CPNE4: variants seen among roughly 807,000 people sequenced by gnomAD.
CPNE4 encodes copine 4.
CPNE4 carries 25 observed loss-of-function variants against 67.9 expected under a neutral mutation model. That is an observed-to-expected ratio of 0.37 (90% CI 0.27 to 0.51). The LOEUF (loss-of-function observed/expected upper bound fraction) is 0.51, where lower values mean the gene tolerates loss of function less well. Ranked by LOEUF, CPNE4 falls within the 20% of genes least tolerant of loss-of-function variation. The pLI is 0.93. For synonymous variants in CPNE4, 242 were observed against 244.9 expected (o/e 0.99, Z 0.11); for missense variants, 464 against 690.8 (o/e 0.67, Z 3.68).
intron 2 of CPNE4, among the ~76,000 whole-genome samples, chr3:131,893,700 C>T (rs72991342): frequency 0.33 from 49,300 of 151,498 alleles, 8,552 homozygotes; most frequent in African/African-American, 0.43. Context: ...TTAAACAGCA[C>T]GCTCTTAAAC....
At chr3:131,663,867 T>TG (rs1199137082) in intron 7 of CPNE4, among the ~76,000 whole-genome samples, 2 of 152,182 alleles carry the variant, frequency 1.3e-5, no homozygotes, top group Non-Finnish European at 2.9e-5. Flanking sequence ...ACTTTGACTT[T>TG]GGGGACCTGC....
intron 2 of CPNE4, among the ~76,000 whole-genome samples, chr3:131,902,778 G>A (rs533576216): frequency 2.0e-5 from 3 of 152,114 alleles, no homozygotes; most frequent in Non-Finnish European, 4.4e-5. Context: ...TAATTTCCAA[G>A]GAGTTACTTT....
intron 2 of CPNE4, among the ~76,000 whole-genome samples, chr3:131,763,658 C>T (rs1211630474): frequency 6.6e-6 from 1 of 152,016 alleles, no homozygotes; most frequent in African/African-American, 2.4e-5. Context: ...AGGCAAAGGA[C>T]TGAAAGGAAA....
At chr3:131,601,416 G>A (rs1939201259) in intron 7 of CPNE4, among the ~76,000 whole-genome samples, 1 of 152,106 alleles carries the variant, frequency 6.6e-6, no homozygotes, top group Admixed American at 6.5e-5. Context: ...ATAAATAATA[G>A]TGATGCAGTG....
At chr3:131,953,254 A>AT (rs1560669366) in intron 1 of CPNE4, among the ~76,000 whole-genome samples, 2 of 122,188 alleles carry the variant, frequency 1.6e-5, no homozygotes, top group Non-Finnish European at 1.9e-5. Flanking sequence ...AAAAAAAAAA[A>AT]AAAAAAAAAA....
At chr3:131,879,477 G>C (rs933054723) in intron 2 of CPNE4, among the ~76,000 whole-genome samples, 1 of 152,098 alleles carries the variant, frequency 6.6e-6, no homozygotes, top group Non-Finnish European at 1.5e-5. Flanking sequence ...CAGGTTTAAG[G>C]CTGTATCAGG....
chr3:131,972,587 A>G (rs915085769), intron 1 of CPNE4, among the ~76,000 whole-genome samples: 1 of 152,180 alleles, frequency 6.6e-6, no homozygotes, highest in Non-Finnish European at 1.5e-5. Context: ...GAATCATTCA[A>G]CAGTGTCAAG....
chr3:131,761,624 G>C (rs962237104), intron 2 of CPNE4, among the ~76,000 whole-genome samples: 5 of 151,944 alleles, frequency 3.3e-5, no homozygotes, highest in Non-Finnish European at 7.4e-5. Context: ...ACATGGTTTA[G>C]GTCAAGCTTA....
At position 131,723,430 on chromosome 3, in the gene CPNE4, ATGTC is replaced by A. The variant is rs1368234616; in HGVS notation, c.360+12_360+15del. On this transcript the variant is annotated intron_variant, in intron 3 of 15. Coordinates refer to ENST00000429747, the MANE Select transcript of CPNE4 (RefSeq NM_130808.3). ...CTAGGATGGCAAGGAGGAGGAAGGGATGTCTGTTGACCCACCTGGCCAAGTGTGC... is the reference window on the plus strand; with the variant it reads ...CTAGGATGGCAAGGAGGAGGAAGGGATGTTGACCCACCTGGCCAAGTGTGC... 1 of 1,609,364 alleles carries A rather than the reference ATGTC, an allele frequency of 6.2e-7. No individual in the cohort carries two copies. The highest frequency in any genetic ancestry group is 1.3e-5 in the African/African-American group (1 of 74,938).
chr3:131,630,003 A>G (rs1054670042), intron 7 of CPNE4, among the ~76,000 whole-genome samples: 10 of 152,074 alleles, frequency 6.6e-5, no homozygotes, highest in Non-Finnish European at 1.2e-4. Flanking sequence ...TTGTGATGAT[A>G]TGAGATGATA....
intron 1 of CPNE4, among the ~76,000 whole-genome samples, chr3:132,012,828 C>T (rs1458717988): frequency 6.6e-6 from 1 of 152,174 alleles, no homozygotes; most frequent in East Asian, 1.9e-4. Context: ...CATTAATAAA[C>T]CAAGAGTCTG....
intron 2 of CPNE4, among the ~76,000 whole-genome samples, chr3:131,736,400 T>C (rs1372980520): frequency 2.6e-5 from 4 of 151,828 alleles, no homozygotes; most frequent in African/African-American, 9.7e-5. Context: ...GGTGGGCAGA[T>C]CACCAGGTCA....
At chr3:131,862,208 T>A (rs1007510005) in intron 2 of CPNE4, among the ~76,000 whole-genome samples, 2 of 152,226 alleles carry the variant, frequency 1.3e-5, no homozygotes, top group African/African-American at 4.8e-5. Context: ...TTCTTGGTCT[T>A]TGATATCTCA....
chr3:131,929,897 G>A (rs570001884), intron 1 of CPNE4, among the ~76,000 whole-genome samples: 1 of 152,228 alleles, frequency 6.6e-6, no homozygotes, highest in South Asian at 2.1e-4. Context: ...CTTTTCATAG[G>A]AAGTACTATT....
chr3:131,619,633 C>T (rs1940354576), intron 7 of CPNE4, among the ~76,000 whole-genome samples: 1 of 152,078 alleles, frequency 6.6e-6, no homozygotes, highest in Admixed American at 6.6e-5. Flanking sequence ...CAAAGGTGTG[C>T]CTGATTTCTA....
intron 2 of CPNE4, among the ~76,000 whole-genome samples, chr3:131,861,772 T>C (rs1209581238): frequency 1.3e-5 from 2 of 152,142 alleles, no homozygotes; most frequent in African/African-American, 2.4e-5. Context: ...TAAGAATATA[T>C]TGGAAATTGT....
chr3:131,950,573 T>C (rs562476899), intron 1 of CPNE4, among the ~76,000 whole-genome samples: 1 of 152,350 alleles, frequency 6.6e-6, no homozygotes, highest in South Asian at 2.1e-4. Context: ...TGCGTATGTC[T>C]ACAGGTGGCT....
intron 7 of CPNE4, among the ~76,000 whole-genome samples, chr3:131,651,315 A>G (rs544721832): frequency 6.6e-6 from 1 of 152,074 alleles, no homozygotes; most frequent in Non-Finnish European, 1.5e-5. Context: ...CTTTTTCCCA[A>G]CTGTCCACAC....
upstream of CPNE4, among the ~76,000 whole-genome samples, chr3:132,038,317 T>C (rs777635298): frequency 7.2e-5 from 11 of 152,162 alleles, no homozygotes; most frequent in Non-Finnish European, 1.6e-4. Context: ...ATGCAGGAAT[T>C]AAATATTCCA....
Sources: allele counts gnomAD v4.1 joint callset (sites outside exome capture counted in the v4.1 genomes callset), GRCh38; gene constraint gnomAD v4.1.1; transcripts MANE v1.5; gene names NCBI Gene and HGNC (gene_info 2026-07-23, HGNC 2026-07-21).